ZBTB34: variants seen among roughly 807,000 people sequenced by gnomAD.
ZBTB34 encodes the protein zinc finger and BTB domain-containing protein 34.
A neutral mutation model predicts 33.4 loss-of-function variants in ZBTB34; 1 was observed. The ratio of observed to expected loss-of-function variants is 0.03; its 90% CI spans 0.01 to 0.14. ZBTB34 has a LOEUF of 0.14. Among genes scored for constraint, ZBTB34 ranks in the 10% least tolerant of loss-of-function variants. The probability of loss-of-function intolerance (pLI) is 1.00; values close to 1 mark genes in which losing one functional copy is unlikely to be tolerated. For missense variants in ZBTB34, 406 were observed against 657.2 expected (o/e 0.62, Z 4.18); for synonymous variants, 283 against 253.5 (o/e 1.12, Z -1.11).
chr9:126,864,078 G>A (rs973397662), intron 1 of ZBTB34, among the ~76,000 whole-genome samples: 2 of 152,166 alleles, frequency 1.3e-5, no homozygotes, highest in Non-Finnish European at 2.9e-5. Flanking sequence ...TCTACTCGGA[G>A]TTGATCAGTA....
At chr9:126,861,311 C>T (rs1323606330) in intron 1 of ZBTB34, among the ~76,000 whole-genome samples, 1 of 152,128 alleles carries the variant, frequency 6.6e-6, no homozygotes, top group East Asian at 1.9e-4. Flanking sequence ...TTGGTCCTGC[C>T]ATTGCGGAGG....
chr9:126,862,938 CTG>C (rs755534978), intron 1 of ZBTB34, among the ~76,000 whole-genome samples: 83 of 147,804 alleles, frequency 5.6e-4, no homozygotes, highest in Non-Finnish European at 9.7e-4. Context: ...TAAGGAGAAT[CTG>C]TTTTTATCAG....
At chr9:126,876,237 T>TCCCCC in intron 1 of ZBTB34, among the ~76,000 whole-genome samples, 1 of 40,780 alleles carries the variant, frequency 2.5e-5, no homozygotes, top group East Asian at 7.0e-4. Context: ...CTTCCTTCCT[T>TCCCCC]CTTTTCCCTG....
At chr9:126,883,204 T>C (rs1350366541) in exon 2 of ZBTB34, 1 of 166,906 alleles carries the variant, frequency 6.0e-6, no homozygotes, top group Non-Finnish European at 1.5e-5. Flanking sequence ...TTTGATTTTT[T>C]TTTAATTGAA....
intron 1 of ZBTB34, among the ~76,000 whole-genome samples, chr9:126,870,429 T>A (rs1588386889): frequency 6.6e-6 from 1 of 152,180 alleles, no homozygotes; most frequent in Admixed American, 6.5e-5. Context: ...TAATTTAAAT[T>A]CCCAGTCAGT....
chr9:126,869,563 T>C (rs1410376784), intron 1 of ZBTB34, among the ~76,000 whole-genome samples: 1 of 152,070 alleles, frequency 6.6e-6, no homozygotes, highest in Non-Finnish European at 1.5e-5. Context: ...AGTCATCCCC[T>C]TTCACAGCAG....
In ZBTB34 at chr9:126,880,374, C is replaced by T; in HGVS notation, c.975C>T (p.Arg325=). Residue 325 remains arginine, a synonymous_variant, in exon 2 of 2, where the codon CGC becomes CGT. Transcript: ENST00000319119. This position sits in a 1 kb window ranked among gnomAD's most constrained non-coding sequence, Gnocchi z 6.7. Reference sequence around the variant, plus strand: ...GCTGTTTCCGAGGAGGGCGTGCCCGCCAGAAGCGGGCTTTGTCTGTCCACC... The same window carrying T: ...GCTGTTTCCGAGGAGGGCGTGCCCGTCAGAAGCGGGCTTTGTCTGTCCACC... 1 of 1,613,730 alleles carries T rather than the reference C, an allele frequency of 6.2e-7. No individual in the cohort carries two copies. The highest frequency in any genetic ancestry group is 8.5e-7 in the Non-Finnish European group (1 of 1,179,844).
intron 1 of ZBTB34, among the ~76,000 whole-genome samples, chr9:126,872,253 C>CA: frequency 6.6e-6 from 1 of 152,068 alleles, no homozygotes; most frequent in Non-Finnish European, 1.5e-5. Context: ...GCCCGGCCTA[C>CA]AAAAAACTTT....
intron 1 of ZBTB34, among the ~76,000 whole-genome samples, chr9:126,866,032 G>T (rs895247091): frequency 4.6e-5 from 7 of 152,060 alleles, no homozygotes; most frequent in African/African-American, 1.7e-4. Flanking sequence ...TGAGGAGAGG[G>T]CTAGGTGAGG....
In ZBTB34 at chr9:126,880,220, T is replaced by C. The variant is rs1450031922; in HGVS notation, c.821T>C (p.Val274Ala). 1.1e-5 allele frequency: 18 copies of C among 1,613,564 alleles called. No homozygotes were observed. Among genetic ancestry groups the C allele is most frequent in the Non-Finnish European group, 1.4e-5 (16 of 1,179,850 alleles). ...GTTGATGGGGAACAAGTTGTGGCAG[T>C]GAATGTGGGCTCCTATGGTTCTGTG... Residue 274 changes from valine to alanine, a missense_variant, in exon 2 of 2, where the codon GTG becomes GCG. By Grantham distance (64) the Val-to-Ala change is moderately conservative (BLOSUM62 0). This residue lies in a region of ZBTB34 where 123 missense variants were observed against 140.4 expected (regional missense o/e 0.88). Coordinates refer to ENST00000319119, the Ensembl canonical transcript of ZBTB34. The surrounding 1 kb of genome is among the most constrained non-coding windows in gnomAD (Gnocchi z 6.7).
chr9:126,882,857 G>C (rs1279111549), exon 2 of ZBTB34: 1 of 166,996 alleles, frequency 6.0e-6, no homozygotes, highest in Admixed American at 6.5e-5. Context: ...TAGCCCCCAG[G>C]GGTGGCAGCT....
chr9:126,865,368 A>G (rs2033187728), intron 1 of ZBTB34, among the ~76,000 whole-genome samples: 2 of 152,272 alleles, frequency 1.3e-5, no homozygotes, highest in South Asian at 4.1e-4. Flanking sequence ...CCCTGCCCTC[A>G]GAGAGCTCAC....
intron 1 of ZBTB34, among the ~76,000 whole-genome samples, chr9:126,876,505 T>TA (rs2033366052): frequency 6.6e-6 from 1 of 152,014 alleles, no homozygotes; most frequent in Non-Finnish European, 1.5e-5. Context: ...TAGACATCCT[T>TA]ACATTTGTGA....
chr9:126,878,222 G>A (rs1000004702), intron 1 of ZBTB34, among the ~76,000 whole-genome samples: 7 of 149,588 alleles, frequency 4.7e-5, no homozygotes, highest in Non-Finnish European at 1.0e-4. Flanking sequence ...GTAATCCCAG[G>A]ACTTTGGGAG....
intron 1 of ZBTB34, among the ~76,000 whole-genome samples, chr9:126,869,936 TCA>T (rs549677330): frequency 6.6e-5 from 10 of 152,342 alleles, no homozygotes; most frequent in Admixed American, 4.6e-4. Context: ...AAGAAGTATC[TCA>T]CATTCTTTTT....
chr9:126,878,426 C>T (rs895728109), intron 1 of ZBTB34, among the ~76,000 whole-genome samples: 1 of 151,324 alleles, frequency 6.6e-6, no homozygotes, highest in African/African-American at 2.4e-5. Flanking sequence ...GCCGAGATCA[C>T]GCCACTGCAC....
chr9:126,867,792 TTTAAAA>T (rs1421329597), intron 1 of ZBTB34, among the ~76,000 whole-genome samples: 3 of 151,952 alleles, frequency 2.0e-5, no homozygotes, highest in African/African-American at 7.2e-5. Context: ...GATAAGTCTT[TTTAAAA>T]TACTGGCATA....
rs781115278 is a variant in ZBTB34 at position 126,874,036 on chromosome 9, C to CTTTT, written c.-10-5332_-10-5329dup. 2.1e-3 allele frequency among the ~76,000 whole-genome samples: 141 copies of CTTTT among 66,086 alleles called. 14 individuals are homozygous for CTTTT. Among genetic ancestry groups the CTTTT allele is most frequent in the African/African-American group, 4.2e-3 (68 of 16,088 alleles). The allele number at this position is 66,086 out of a possible 152,430, so 43.4% of individuals were successfully genotyped here. Reference sequence around the variant, plus strand: ...TGTGAGAGACTCTGCTGTGTATGTTCTTTTTTTTTTTTTTTTTTTTTTTTT... The same window carrying CTTTT: ...TGTGAGAGACTCTGCTGTGTATGTTCTTTTTTTTTTTTTTTTTTTTTTTTTTTTT... On this transcript the variant is annotated intron_variant, in intron 1 of 1. Coordinates refer to ENST00000319119, the Ensembl canonical transcript of ZBTB34.
At chr9:126,874,470 C>T (rs886188357) in intron 1 of ZBTB34, among the ~76,000 whole-genome samples, 7 of 152,080 alleles carry the variant, frequency 4.6e-5, no homozygotes, top group African/African-American at 9.7e-5. Flanking sequence ...GTAGTTACTA[C>T]GTTTGTTCTG....
Sources: gnomAD v4.1 joint callset for allele counts (sites outside exome capture counted in the v4.1 genomes callset) on GRCh38, gnomAD v4.1.1 for gene constraint, gnomAD v4.1.1 regional missense constraint, Gnocchi (gnomAD v3.1) non-coding constraint, MANE v1.5 for transcripts, NCBI Gene and HGNC (gene_info 2026-07-23, HGNC 2026-07-21) for gene names.